Variants in SORCS1 observed in about 807,000 individuals in gnomAD.
SORCS1 encodes VPS10 domain-containing receptor SorCS1.
Under a neutral mutation model 146.1 loss-of-function variants are expected in SORCS1, and 60 were observed. That is an observed-to-expected ratio of 0.41 (90% CI 0.33 to 0.51). The LOEUF is 0.51. SORCS1 is among the 20% of genes least tolerant of loss of function. SORCS1 has a pLI of 0.21. For synonymous variants in SORCS1, 637 were observed against 584.0 expected (o/e 1.09, Z -1.31); for missense variants, 1,352 against 1,487.6 (o/e 0.91, Z 1.50).
At chr10:106,722,340 C>G (rs977098461) in intron 6 of SORCS1, among the ~76,000 whole-genome samples, 4 of 152,106 alleles carry the variant, frequency 2.6e-5, no homozygotes, top group Non-Finnish European at 2.9e-5. Context: ...CTTACCTTAT[C>G]CAGATTTTGA....
intron 2 of SORCS1, among the ~76,000 whole-genome samples, chr10:106,861,505 A>G (rs1479108512): frequency 6.6e-6 from 1 of 152,174 alleles, no homozygotes; most frequent in Non-Finnish European, 1.5e-5. Context: ...TACATATGCA[A>G]ATTATGAAAA....
At chr10:106,579,897 T>C (rs1455947214) in intron 24 of SORCS1, among the ~76,000 whole-genome samples, 2 of 152,112 alleles carry the variant, frequency 1.3e-5, no homozygotes, top group Non-Finnish European at 2.9e-5. Flanking sequence ...GTCATGTACC[T>C]ATTAGATTTC....
At chr10:107,135,634 C>T (rs1967229738) in intron 1 of SORCS1, among the ~76,000 whole-genome samples, 1 of 152,146 alleles carries the variant, frequency 6.6e-6, no homozygotes, top group South Asian at 2.1e-4. Flanking sequence ...CTAATGGCTC[C>T]AGCTATCAGT....
At chr10:106,725,371 G>T (rs1856074308) in intron 6 of SORCS1, among the ~76,000 whole-genome samples, 1 of 151,468 alleles carries the variant, frequency 6.6e-6, no homozygotes, top group East Asian at 2.0e-4. Context: ...CCAACATAGT[G>T]AAACCCCATC....
chr10:106,593,277 T>C (rs1438768095), intron 24 of SORCS1, among the ~76,000 whole-genome samples: 1 of 151,476 alleles, frequency 6.6e-6, no homozygotes, highest in African/African-American at 2.4e-5. Flanking sequence ...TTCAAATATT[T>C]TTTTTCTTTT....
chr10:106,987,037 A>G (rs74152294), intron 1 of SORCS1, among the ~76,000 whole-genome samples: 152 of 152,294 alleles, frequency 1.0e-3, no homozygotes, highest in African/African-American at 3.6e-3. Context: ...TTGATTGTTC[A>G]TCGAACCTTA....
intron 5 of SORCS1, among the ~76,000 whole-genome samples, chr10:106,742,218 T>C (rs1415928986): frequency 1.3e-5 from 2 of 152,186 alleles, no homozygotes; most frequent in Non-Finnish European, 2.9e-5. Flanking sequence ...ATCCCTTATC[T>C]GAAGTACTTG....
At chr10:106,900,768 A>G (rs943878556) in intron 2 of SORCS1, among the ~76,000 whole-genome samples, 3 of 152,176 alleles carry the variant, frequency 2.0e-5, no homozygotes, top group African/African-American at 7.2e-5. Flanking sequence ...CTCGACTAAG[A>G]CAGTATCCAA....
At chr10:107,138,735 T>C (rs929940423) in intron 1 of SORCS1, among the ~76,000 whole-genome samples, 1 of 152,184 alleles carries the variant, frequency 6.6e-6, no homozygotes, top group Non-Finnish European at 1.5e-5. Context: ...TTAGGAGATT[T>C]CTCACTGAAG....
At chr10:106,582,227 A>G (rs1262936974) in intron 24 of SORCS1, among the ~76,000 whole-genome samples, 16 of 152,136 alleles carry the variant, frequency 1.1e-4, no homozygotes, top group Admixed American at 1.0e-3. Flanking sequence ...TCGATTCTAA[A>G]TCATTTACAC....
chr10:106,618,162 G>A lies in SORCS1; in HGVS notation c.2907C>T (p.Thr969=). ...ATGGGCACTCACCATATACTGCGAT[G>A]GTCTTTGTGTCTTGTAGGATGGCAT... is the stretch of plus-strand genomic sequence containing the variant. ...AGNAILQDTK[T]IAVYEEFRSL... The change falls in exon 21 of 26, where the codon ACC becomes ACT. Residue 969 remains threonine, a synonymous_variant. Transcript: ENST00000263054. 1 of 1,614,070 alleles carries A rather than the reference G, an allele frequency of 6.2e-7. No individual in the cohort carries two copies. Among genetic ancestry groups the A allele is most frequent in the Non-Finnish European group, 8.5e-7 (1 of 1,179,956 alleles).
chr10:107,097,256 T>TA (rs1349024550), intron 1 of SORCS1, among the ~76,000 whole-genome samples: 1 of 152,218 alleles, frequency 6.6e-6, no homozygotes, highest in East Asian at 1.9e-4. Context: ...ATGGAGAAAT[T>TA]AAAAAACACA....
At chr10:106,768,274 A>G (rs1331635388) in intron 4 of SORCS1, among the ~76,000 whole-genome samples, 1 of 152,250 alleles carries the variant, frequency 6.6e-6, no homozygotes, top group Non-Finnish European at 1.5e-5. Context: ...TTTCAAGCAC[A>G]TGAAAATCCT....
At chr10:107,159,336 G>A (rs975355696) in intron 1 of SORCS1, among the ~76,000 whole-genome samples, 2 of 152,130 alleles carry the variant, frequency 1.3e-5, no homozygotes, top group Non-Finnish European at 2.9e-5. Flanking sequence ...TATTAAATTA[G>A]TTTTGACCTG....
intron 1 of SORCS1, among the ~76,000 whole-genome samples, chr10:107,134,748 A>C (rs897797695): frequency 3.0e-4 from 46 of 152,324 alleles, no homozygotes; most frequent in African/African-American, 8.4e-4. Flanking sequence ...AGGAAAAGTC[A>C]TTATCGTTCC....
intron 3 of SORCS1, among the ~76,000 whole-genome samples, chr10:106,796,492 C>G (rs538249105): frequency 2.0e-5 from 3 of 152,120 alleles, no homozygotes; most frequent in African/African-American, 4.8e-5. Context: ...AGTCCCATCC[C>G]GGCAAGACTC....
At chr10:106,983,140 A>G (rs987003627) in intron 1 of SORCS1, among the ~76,000 whole-genome samples, 10 of 148,254 alleles carry the variant, frequency 6.7e-5, no homozygotes, top group Admixed American at 2.0e-4. Context: ...AAATATATAT[A>G]CATCTCTATA....
intron 1 of SORCS1, among the ~76,000 whole-genome samples, chr10:107,052,434 G>A (rs920655160): frequency 9.9e-5 from 15 of 152,088 alleles, no homozygotes; most frequent in African/African-American, 3.6e-4. Context: ...TTAAGTTAAA[G>A]GAGGTATAAT....
chr10:106,660,238 G>A (rs962506347), intron 17 of SORCS1, among the ~76,000 whole-genome samples: 3 of 152,122 alleles, frequency 2.0e-5, no homozygotes, highest in African/African-American at 7.2e-5. Flanking sequence ...GTGTTTTATG[G>A]CTTATGTAGA....
Sources: gnomAD v4.1 joint callset for allele counts (sites outside exome capture counted in the v4.1 genomes callset) on GRCh38, gnomAD v4.1.1 for gene constraint, MANE v1.5 for transcripts, NCBI Gene and HGNC (gene_info 2026-07-23, HGNC 2026-07-21) for gene names.